TNIK: variants seen among roughly 807,000 people sequenced by gnomAD.
The protein encoded by TNIK is TRAF2 and NCK interacting kinase.
Under a neutral mutation model 191.3 loss-of-function variants are expected in TNIK, and 49 were observed. The ratio of observed to expected loss-of-function variants is 0.26; its 90% CI spans 0.20 to 0.32. The LOEUF (loss-of-function observed/expected upper bound fraction) is 0.32. Ranked by LOEUF, TNIK falls within the 10% of genes least tolerant of loss-of-function variation. The pLI is 1.00. For synonymous variants in TNIK, 594 were observed against 600.9 expected (o/e 0.99, Z 0.17); for missense variants, 1,155 against 1,702.3 (o/e 0.68, Z 5.66).
At chr3:171,337,481 G>A (rs1017559328) in intron 2 of TNIK, among the ~76,000 whole-genome samples, 2 of 152,150 alleles carry the variant, frequency 1.3e-5, no homozygotes, top group African/African-American at 4.8e-5. Flanking sequence ...ATGTAAATAC[G>A]GTTTAAGCCT....
intron 1 of TNIK, among the ~76,000 whole-genome samples, chr3:171,439,276 G>A (rs547690718): frequency 2.0e-5 from 3 of 151,528 alleles, no homozygotes; most frequent in East Asian, 1.9e-4. Context: ...CCCGGGAGGC[G>A]GAGCTTGCAG....
chr3:171,340,711 T>C (rs572928005), intron 2 of TNIK, among the ~76,000 whole-genome samples: 2 of 152,318 alleles, frequency 1.3e-5, no homozygotes, highest in East Asian at 3.9e-4. Flanking sequence ...CAAATGCCTA[T>C]GGAGCAAGTT....
chr3:171,139,202 C>T (rs943534529), intron 14 of TNIK, among the ~76,000 whole-genome samples: 1 of 152,112 alleles, frequency 6.6e-6, no homozygotes, highest in African/African-American at 2.4e-5. Context: ...GATTTATATT[C>T]AAGTTGTACA....
chr3:171,189,903 G>GAA (rs200844080), intron 6 of TNIK, among the ~76,000 whole-genome samples: 7 of 151,596 alleles, frequency 4.6e-5, no homozygotes, highest in Admixed American at 4.6e-4. Context: ...TGTTAACTAA[G>GAA]AAAAAAAATG....
intron 5 of TNIK, among the ~76,000 whole-genome samples, chr3:171,191,566 A>G (rs907303664): frequency 6.6e-6 from 1 of 152,248 alleles, no homozygotes; most frequent in Non-Finnish European, 1.5e-5. Context: ...TAAGCGAAGT[A>G]AAATATTTCT....
At chr3:171,316,398 G>A (rs1387952713) in intron 2 of TNIK, among the ~76,000 whole-genome samples, 1 of 152,248 alleles carries the variant, frequency 6.6e-6, no homozygotes, top group Non-Finnish European at 1.5e-5. Context: ...GGATATAGAA[G>A]GTTTCATGAA....
At chr3:171,321,942 G>T (rs1420415023) in intron 2 of TNIK, among the ~76,000 whole-genome samples, 1 of 152,142 alleles carries the variant, frequency 6.6e-6, no homozygotes, top group Non-Finnish European at 1.5e-5. Context: ...AAAACACATT[G>T]GTATCAGGGG....
chr3:171,239,359 G>A (rs1577215453), intron 2 of TNIK, among the ~76,000 whole-genome samples: 1 of 152,188 alleles, frequency 6.6e-6, no homozygotes, highest in Non-Finnish European at 1.5e-5. Context: ...TGCAATTGCT[G>A]TAAGCGATCT....
chr3:171,342,368 T>G (rs1757623984), intron 2 of TNIK, among the ~76,000 whole-genome samples: 1 of 152,220 alleles, frequency 6.6e-6, no homozygotes, highest in South Asian at 2.1e-4. Flanking sequence ...TGAGTCTCAG[T>G]GGCTCAACAG....
At chr3:171,368,727 A>G (rs77281671) in intron 2 of TNIK, among the ~76,000 whole-genome samples, 3,172 of 152,200 alleles carry the variant, frequency 0.021, 100 homozygotes, top group African/African-American at 0.072. Flanking sequence ...TAACTGAGAG[A>G]AGTTTAGGGC....
intron 2 of TNIK, among the ~76,000 whole-genome samples, chr3:171,339,810 C>T (rs1342768881): frequency 2.0e-5 from 3 of 152,200 alleles, no homozygotes; most frequent in Admixed American, 6.5e-5. Flanking sequence ...GGCTGCCAGA[C>T]GAGGCCTTCT....
intron 3 of TNIK, among the ~76,000 whole-genome samples, chr3:171,223,823 A>T (rs1224081648): frequency 6.6e-6 from 1 of 152,198 alleles, no homozygotes; most frequent in Non-Finnish European, 1.5e-5. Flanking sequence ...CTTAAGGACC[A>T]AATCAGTTTT....
In TNIK at chr3:171,346,626, G is replaced by A. The variant is rs1053797700; in HGVS notation, c.123+22994C>T. Among the ~76,000 whole-genome samples, 7 of 152,194 alleles carry A rather than the reference G, an allele frequency of 4.6e-5. No homozygotes were observed. The South Asian group carries it at 8.3e-4, about 18-fold the overall frequency. ...GTTTAGCACCCCACCAGAATGTGCC[G>A]GGGGTATGAAAGCCCAAACGGGGCC... On this transcript the variant is annotated intron_variant, in intron 2 of 32. Coordinates refer to ENST00000436636, the MANE Select transcript of TNIK (RefSeq NM_015028.4).
intron 19 of TNIK, among the ~76,000 whole-genome samples, chr3:171,109,666 A>G (rs1725541785): frequency 6.6e-6 from 1 of 152,206 alleles, no homozygotes; most frequent in Non-Finnish European, 1.5e-5. Flanking sequence ...AATATTTGTC[A>G]AATTGCAATT....
At chr3:171,369,219 C>A (rs1233088405) in intron 2 of TNIK, among the ~76,000 whole-genome samples, 2 of 152,184 alleles carry the variant, frequency 1.3e-5, no homozygotes, top group Admixed American at 6.5e-5. Flanking sequence ...TCATTTAATT[C>A]ATGTCCTAGG....
intron 2 of TNIK, among the ~76,000 whole-genome samples, chr3:171,317,192 AGTT>A (rs1754728473): frequency 6.6e-6 from 1 of 152,062 alleles, no homozygotes; most frequent in Non-Finnish European, 1.5e-5. Context: ...GTAACAAAGC[AGTT>A]GTTCCGGGTC....
At chr3:171,184,821 T>G (rs1379031749) in intron 7 of TNIK, among the ~76,000 whole-genome samples, 2 of 152,162 alleles carry the variant, frequency 1.3e-5, no homozygotes, top group Non-Finnish European at 2.9e-5. Flanking sequence ...AAAAGAGTAC[T>G]TTTTCTCTAC....
intron 28 of TNIK, among the ~76,000 whole-genome samples, chr3:171,077,313 A>G (rs1720094596): frequency 6.6e-6 from 1 of 152,008 alleles, no homozygotes; most frequent in African/African-American, 2.4e-5. Context: ...CATTCTGGGT[A>G]TTTTCGTCAT....
At chr3:171,438,515 CA>C (rs1433600142) in intron 1 of TNIK, among the ~76,000 whole-genome samples, 3 of 152,158 alleles carry the variant, frequency 2.0e-5, no homozygotes, top group African/African-American at 7.2e-5. Context: ...CTGCAGAATG[CA>C]AATGTAAACA....
Sources: gnomAD v4.1 joint callset for allele counts (sites outside exome capture counted in the v4.1 genomes callset) on GRCh38, gnomAD v4.1.1 for gene constraint, MANE v1.5 for transcripts, NCBI Gene and HGNC (gene_info 2026-07-23, HGNC 2026-07-21) for gene names.